The following WDR70 variants were observed in gnomAD, a reference collection of about 807,000 sequenced individuals.
The protein encoded by WDR70 is WD repeat-containing protein 70.
WDR70 carries 53 observed loss-of-function variants against 88.6 expected under a neutral mutation model. The ratio of observed to expected loss-of-function variants is 0.60; its 90% CI spans 0.48 to 0.75. The LOEUF (loss-of-function observed/expected upper bound fraction) is 0.75, where lower values mean the gene tolerates loss of function less well. WDR70 is among the 30% of genes least tolerant of loss of function. The pLI is 0.00. For synonymous variants in WDR70, 280 were observed against 270.0 expected (o/e 1.04, Z -0.36); for missense variants, 610 against 823.2 (o/e 0.74, Z 3.17).
chr5:37,643,325 T>C (rs1436151328), intron 10 of WDR70, among the ~76,000 whole-genome samples: 1 of 152,072 alleles, frequency 6.6e-6, no homozygotes, highest in Non-Finnish European at 1.5e-5. Flanking sequence ...GGTTCACTAT[T>C]CCACTTCATT....
Position 37,503,899 on chromosome 5 carries a change from T to G in WDR70, c.841-12615T>G, listed in dbSNP as rs529974821. On this transcript the variant is annotated intron_variant, in intron 8 of 17. Coordinates refer to ENST00000265107, the MANE Select transcript of WDR70 (RefSeq NM_018034.4). ...ACCATTTCCTCTAGATTTTCTAGTT[T>G]GTGTGCATAGAGGTGTTCATAGTAA... is the stretch of plus-strand genomic sequence containing the variant. Among the ~76,000 whole-genome samples the G allele has an allele frequency of 2.0e-5, 3 of 152,318 alleles. No individual in the cohort carries two copies. The South Asian group carries it at 6.2e-4, about 32-fold the overall frequency.
intron 10 of WDR70, among the ~76,000 whole-genome samples, chr5:37,663,807 C>T (rs1253744459): frequency 6.6e-6 from 1 of 152,162 alleles, no homozygotes; most frequent in Admixed American, 6.5e-5. Flanking sequence ...AATCCTTCCA[C>T]CTGCGTGCCT....
intron 14 of WDR70, chr5:37,722,107 A>C (rs927737374): frequency 6.6e-6 from 1 of 152,198 alleles, no homozygotes; most frequent in Admixed American, 6.5e-5. Context: ...ACAATAAAGT[A>C]TATTTATGGT....
At chr5:37,662,265 GGA>G (rs1486440509) in intron 10 of WDR70, among the ~76,000 whole-genome samples, 2 of 152,220 alleles carry the variant, frequency 1.3e-5, no homozygotes, top group Non-Finnish European at 2.9e-5. Flanking sequence ...CAGGTGAACA[GGA>G]GAGTTTAAGA....
chr5:37,599,369 T>G (rs1375688020), intron 9 of WDR70, among the ~76,000 whole-genome samples: 1 of 152,200 alleles, frequency 6.6e-6, no homozygotes, highest in East Asian at 1.9e-4. Context: ...GTTATTTAAG[T>G]TACATGGCTC....
intron 10 of WDR70, among the ~76,000 whole-genome samples, chr5:37,672,237 C>T (rs1391165713): frequency 6.6e-6 from 1 of 152,104 alleles, no homozygotes; most frequent in African/African-American, 2.4e-5. Flanking sequence ...TCCAAGGTTT[C>T]CCCCCACTGA....
At chr5:37,549,874 T>C (rs1386533158) in intron 9 of WDR70, among the ~76,000 whole-genome samples, 2 of 152,028 alleles carry the variant, frequency 1.3e-5, no homozygotes, top group African/African-American at 4.8e-5. Flanking sequence ...TTTGCTTTTT[T>C]TTTTTTGAGA....
intron 5 of WDR70, among the ~76,000 whole-genome samples, chr5:37,402,966 A>C (rs1483649050): frequency 1.1e-4 from 1 of 9,036 alleles, no homozygotes; most frequent in Admixed American, 9.3e-4. Flanking sequence ...TTTTTTTTTG[A>C]GTCAAAGTCT....
chr5:37,477,844 C>T (rs1356781714), intron 7 of WDR70, among the ~76,000 whole-genome samples: 1 of 152,192 alleles, frequency 6.6e-6, no homozygotes, highest in Non-Finnish European at 1.5e-5. Flanking sequence ...GTATGTGCTA[C>T]TTCTTGCTCA....
At chr5:37,426,757 C>T (rs1448697930) in intron 5 of WDR70, among the ~76,000 whole-genome samples, 1 of 151,330 alleles carries the variant, frequency 6.6e-6, no homozygotes, top group Non-Finnish European at 1.5e-5. Flanking sequence ...ATTAACATAT[C>T]CACCTAAAAG....
chr5:37,713,291 C>T (rs1221267025), intron 13 of WDR70, among the ~76,000 whole-genome samples: 1 of 152,146 alleles, frequency 6.6e-6, no homozygotes, highest in African/African-American at 2.4e-5. Flanking sequence ...TTATCCATTT[C>T]CTAGTATCAT....
chr5:37,394,624 G>A (rs991900057), intron 4 of WDR70, among the ~76,000 whole-genome samples: 12 of 152,186 alleles, frequency 7.9e-5, no homozygotes, highest in African/African-American at 2.7e-4. Context: ...AAGTGGTGGT[G>A]TGCCTGAAAG....
chr5:37,622,903 A>T (rs1051472398), intron 10 of WDR70, among the ~76,000 whole-genome samples: 46 of 152,128 alleles, frequency 3.0e-4, no homozygotes, highest in Non-Finnish European at 1.2e-4. Context: ...ATAAAAAAAG[A>T]AACATTCTAA....
At chr5:37,467,599 C>G (rs896671822) in intron 7 of WDR70, among the ~76,000 whole-genome samples, 1 of 151,110 alleles carries the variant, frequency 6.6e-6, no homozygotes, top group East Asian at 1.9e-4. Flanking sequence ...TGCAGTGGCA[C>G]AATCTTGGCT....
intron 10 of WDR70, among the ~76,000 whole-genome samples, chr5:37,663,700 G>T (rs1342695620): frequency 6.6e-6 from 1 of 152,098 alleles, no homozygotes; most frequent in Admixed American, 6.5e-5. Flanking sequence ...TAGACTTTGT[G>T]CCCTTGTATG....
At chr5:37,692,549 G>A (rs78243975) in intron 10 of WDR70, among the ~76,000 whole-genome samples, 2 of 152,136 alleles carry the variant, frequency 1.3e-5, no homozygotes, top group African/African-American at 4.8e-5. Context: ...TGGGATGCAA[G>A]GATAGTTTAA....
At chr5:37,703,436 G>A (rs1747225317) in intron 13 of WDR70, among the ~76,000 whole-genome samples, 1 of 152,226 alleles carries the variant, frequency 6.6e-6, no homozygotes. Flanking sequence ...GTCGACAGAA[G>A]TGAAAGATTA....
intron 9 of WDR70, among the ~76,000 whole-genome samples, chr5:37,571,231 C>T (rs1742891522): frequency 6.6e-6 from 1 of 152,166 alleles, no homozygotes; most frequent in Admixed American, 6.5e-5. Context: ...TGAACTTTAT[C>T]ATATACTCTT....
At chr5:37,436,542 C>T (rs1253601110) in intron 5 of WDR70, among the ~76,000 whole-genome samples, 1 of 152,056 alleles carries the variant, frequency 6.6e-6, no homozygotes, top group African/African-American at 2.4e-5. Context: ...GTAAAGTGTG[C>T]AGAGGGATTT....
Sources: gnomAD v4.1 joint callset for allele counts (sites outside exome capture counted in the v4.1 genomes callset) on GRCh38, gnomAD v4.1.1 for gene constraint, MANE v1.5 for transcripts, NCBI Gene and HGNC (gene_info 2026-07-23, HGNC 2026-07-21) for gene names.